Variants in KCND2 observed in about 807,000 individuals in gnomAD.
KCND2 encodes the protein A-type voltage-gated potassium channel KCND2.
In KCND2, 16 loss-of-function variants were observed where a neutral mutation model predicts 54.4. That is an observed-to-expected ratio of 0.29 (90% CI 0.20 to 0.45). The LOEUF (loss-of-function observed/expected upper bound fraction) is 0.45, where lower values mean the gene tolerates loss of function less well. Ranked by LOEUF, KCND2 falls within the 20% of genes least tolerant of loss-of-function variation. The probability of loss-of-function intolerance (pLI) is 1.00; values close to 1 mark genes in which losing one functional copy is unlikely to be tolerated. For missense variants in KCND2, 486 were observed against 824.2 expected (o/e 0.59, Z 5.02); for synonymous variants, 317 against 310.7 (o/e 1.02, Z -0.21).
intron 1 of KCND2, among the ~76,000 whole-genome samples, chr7:120,568,070 A>AT: frequency 6.6e-6 from 1 of 151,758 alleles, no homozygotes; most frequent in African/African-American, 2.4e-5. Context: ...AATTTAAAGC[A>AT]TCAAAAAAAA....
chr7:120,578,101 G>A (rs1052790117), intron 1 of KCND2, among the ~76,000 whole-genome samples: 1 of 151,610 alleles, frequency 6.6e-6, no homozygotes, highest in Middle Eastern at 3.2e-3. Context: ...GAGAGGAAGA[G>A]GAAGAGGAAG....
chr7:120,684,091 A>C (rs1326080953), intron 1 of KCND2, among the ~76,000 whole-genome samples: 1 of 152,154 alleles, frequency 6.6e-6, no homozygotes, highest in South Asian at 2.1e-4. Flanking sequence ...GGAGTACTTC[A>C]TCATCACCTG....
intron 1 of KCND2, among the ~76,000 whole-genome samples, chr7:120,681,248 T>A (rs992319564): frequency 6.6e-6 from 1 of 152,050 alleles, no homozygotes; most frequent in Non-Finnish European, 1.5e-5. Flanking sequence ...AAATAACAGA[T>A]GTTTCAGTGT....
intron 1 of KCND2, among the ~76,000 whole-genome samples, chr7:120,366,928 C>T (rs145760840): frequency 6.6e-6 from 1 of 152,096 alleles, no homozygotes; most frequent in Admixed American, 6.6e-5. Context: ...CTTTCTTCCT[C>T]CCTCCCTTTC....
intron 1 of KCND2, among the ~76,000 whole-genome samples, chr7:120,512,605 A>G (rs1803135338): frequency 6.6e-6 from 1 of 152,010 alleles, no homozygotes; most frequent in African/African-American, 2.4e-5. Context: ...ATGAAGAGAA[A>G]TATGTAGACG....
chr7:120,669,117 C>G (rs983749875), intron 1 of KCND2, among the ~76,000 whole-genome samples: 2 of 151,792 alleles, frequency 1.3e-5, no homozygotes, highest in Non-Finnish European at 2.9e-5. Flanking sequence ...ATAAATAGGA[C>G]TTAATAAACA....
intron 1 of KCND2, among the ~76,000 whole-genome samples, chr7:120,643,758 C>T (rs941250380): frequency 1.3e-5 from 2 of 151,156 alleles, no homozygotes; most frequent in South Asian, 4.2e-4. Context: ...ACACAGCACA[C>T]TACAAAATAA....
chr7:120,478,750 AGCT>A (rs2116275447), intron 1 of KCND2, among the ~76,000 whole-genome samples: 1 of 152,284 alleles, frequency 6.6e-6, no homozygotes, highest in East Asian at 1.9e-4. Context: ...ACTGGCCTGT[AGCT>A]ATAATGTTTT....
At chr7:120,342,627 T>C (rs1357995890) in intron 1 of KCND2, among the ~76,000 whole-genome samples, 2 of 152,188 alleles carry the variant, frequency 1.3e-5, no homozygotes, top group Non-Finnish European at 1.5e-5. Context: ...GCTTTTGTAG[T>C]AAATACTAAA....
chr7:120,284,894 G>A (rs1799317402), intron 1 of KCND2, among the ~76,000 whole-genome samples: 1 of 152,058 alleles, frequency 6.6e-6, no homozygotes, highest in African/African-American at 2.4e-5. Flanking sequence ...GCATCACCAA[G>A]CAGTGTATGT....
At chr7:120,590,969 T>C (rs1378418525) in intron 1 of KCND2, among the ~76,000 whole-genome samples, 1 of 152,150 alleles carries the variant, frequency 6.6e-6, no homozygotes, top group African/African-American at 2.4e-5. Context: ...ATTTTTTTTC[T>C]TGGGCTGCTA....
intron 1 of KCND2, among the ~76,000 whole-genome samples, chr7:120,325,710 A>T (rs1474725542): frequency 6.6e-6 from 1 of 152,118 alleles, no homozygotes; most frequent in African/African-American, 2.4e-5. Context: ...TTAATAGGTG[A>T]AAATAATAAC....
chr7:120,625,763 A>G (rs17142867), intron 1 of KCND2, among the ~76,000 whole-genome samples: 3,299 of 152,160 alleles, frequency 0.022, 115 homozygotes, highest in African/African-American at 0.075. Context: ...GGTTGAAGAA[A>G]TCTTGGATAT....
chr7:120,450,106 G>A (rs1802080016), intron 1 of KCND2, among the ~76,000 whole-genome samples: 1 of 152,108 alleles, frequency 6.6e-6, no homozygotes, highest in South Asian at 2.1e-4. Flanking sequence ...ACATAATAGG[G>A]GTTCAGTAAA....
chr7:120,642,401 A>C (rs894623703), intron 1 of KCND2, among the ~76,000 whole-genome samples: 1 of 150,594 alleles, frequency 6.6e-6, no homozygotes, highest in Admixed American at 6.6e-5. Flanking sequence ...TCTACTAAAA[A>C]AAAAAAAAAA....
intron 1 of KCND2, among the ~76,000 whole-genome samples, chr7:120,606,688 T>C (rs758734388): frequency 5.9e-5 from 9 of 152,062 alleles, no homozygotes; most frequent in Non-Finnish European, 1.3e-4. Flanking sequence ...TGTGAGGGCT[T>C]ATTTCTGAAC....
chr7:120,736,521 T>C (rs1584901632), intron 2 of KCND2, among the ~76,000 whole-genome samples: 1 of 151,970 alleles, frequency 6.6e-6, no homozygotes, highest in African/African-American at 2.4e-5. Flanking sequence ...AAGTGGCAGG[T>C]TGACATTTTG....
intron 1 of KCND2, among the ~76,000 whole-genome samples, chr7:120,618,680 C>T (rs1226060022): frequency 6.6e-6 from 1 of 151,984 alleles, no homozygotes; most frequent in Non-Finnish European, 1.5e-5. Flanking sequence ...TTACACGGAA[C>T]TGTTAAAGGA....
chr7:120,507,191 T>C (rs1803037085), intron 1 of KCND2, among the ~76,000 whole-genome samples: 1 of 151,876 alleles, frequency 6.6e-6, no homozygotes, highest in African/African-American at 2.4e-5. Context: ...CTTAGTCTGG[T>C]TCTTCTAACA....
Sources: allele counts gnomAD v4.1 joint callset (sites outside exome capture counted in the v4.1 genomes callset), GRCh38; gene constraint gnomAD v4.1.1; transcripts MANE v1.5; gene names NCBI Gene and HGNC (gene_info 2026-07-23, HGNC 2026-07-21).